The following OPCML variants were observed in gnomAD, a reference collection of about 807,000 sequenced individuals.
OPCML encodes the protein opioid binding protein/cell adhesion molecule like.
A neutral mutation model predicts 37.8 loss-of-function variants in OPCML; 13 were observed. That is an observed-to-expected ratio of 0.34 (90% confidence interval 0.22 to 0.55). The LOEUF is 0.55. Ranked by LOEUF, OPCML falls within the 20% of genes least tolerant of loss-of-function variation. OPCML has a pLI of 0.91. For synonymous variants in OPCML, 176 were observed against 168.8 expected (o/e 1.04, Z -0.33); for missense variants, 341 against 435.6 (o/e 0.78, Z 1.93).
chr11:132,912,295 T>A (rs558684956), intron 2 of OPCML, among the ~76,000 whole-genome samples: 1 of 152,312 alleles, frequency 6.6e-6, no homozygotes, highest in South Asian at 2.1e-4. Flanking sequence ...TATAGTACGT[T>A]GCAAATTCAA....
At chr11:132,638,655 A>T (rs1444610006) in intron 3 of OPCML, among the ~76,000 whole-genome samples, 1 of 152,058 alleles carries the variant, frequency 6.6e-6, no homozygotes, top group African/African-American at 2.4e-5. Flanking sequence ...AAGACTTTTA[A>T]ATTGCTGACT....
At chr11:132,522,161 T>G (rs1338922053) in intron 4 of OPCML, among the ~76,000 whole-genome samples, 1 of 152,242 alleles carries the variant, frequency 6.6e-6, no homozygotes, top group Non-Finnish European at 1.5e-5. Flanking sequence ...TAACAATAGT[T>G]CATTCCTTTG....
chr11:133,261,301 T>G (rs1033122801), intron 1 of OPCML, among the ~76,000 whole-genome samples: 6 of 152,224 alleles, frequency 3.9e-5, no homozygotes, highest in African/African-American at 1.4e-4. Flanking sequence ...AGCTATGATC[T>G]GATTGACGGG....
chr11:133,017,238 A>C (rs903897264), intron 1 of OPCML, among the ~76,000 whole-genome samples: 31 of 151,198 alleles, frequency 2.1e-4, no homozygotes, highest in Non-Finnish European at 2.9e-4. Flanking sequence ...CAACTTAATC[A>C]CCTCCCAAAG....
At chr11:133,191,525 G>GTC (rs1938321283) in intron 1 of OPCML, among the ~76,000 whole-genome samples, 1 of 151,770 alleles carries the variant, frequency 6.6e-6, no homozygotes, top group South Asian at 2.1e-4. Context: ...GTGTGTGTGT[G>GTC]TGTGTGTGTG....
At chr11:133,384,555 G>T (rs543868954) in intron 1 of OPCML, among the ~76,000 whole-genome samples, 4 of 152,290 alleles carry the variant, frequency 2.6e-5, no homozygotes, top group African/African-American at 9.6e-5. Context: ...AAATCAAATT[G>T]AGATGCAAGT....
chr11:132,464,909 T>C (rs1396505497), intron 4 of OPCML, among the ~76,000 whole-genome samples: 2 of 152,242 alleles, frequency 1.3e-5, no homozygotes, highest in African/African-American at 4.8e-5. Context: ...GAGGAAAGCA[T>C]GGTTAGCAAT....
chr11:133,245,530 G>A (rs1940889282), intron 1 of OPCML, among the ~76,000 whole-genome samples: 1 of 152,198 alleles, frequency 6.6e-6, no homozygotes, highest in African/African-American at 2.4e-5. Flanking sequence ...GGTCCCAGGA[G>A]AGAACAAGAA....
At chr11:132,849,808 T>C (rs113789793) in intron 2 of OPCML, among the ~76,000 whole-genome samples, 6 of 152,300 alleles carry the variant, frequency 3.9e-5, no homozygotes, top group African/African-American at 1.2e-4. Context: ...GTATGCCACA[T>C]GTAAACCGGG....
intron 2 of OPCML, among the ~76,000 whole-genome samples, chr11:132,815,000 T>C (rs950032055): frequency 5.9e-5 from 9 of 152,188 alleles, no homozygotes; most frequent in African/African-American, 2.2e-4. Context: ...AGGTCTTTAT[T>C]GTGAACTTAA....
intron 2 of OPCML, among the ~76,000 whole-genome samples, chr11:132,673,372 G>T (rs1415124676): frequency 6.6e-6 from 1 of 152,122 alleles, no homozygotes; most frequent in Non-Finnish European, 1.5e-5. Flanking sequence ...GTGGGCCATT[G>T]GGGCATCAGA....
intron 2 of OPCML, among the ~76,000 whole-genome samples, chr11:132,682,124 G>A (rs1165042869): frequency 6.6e-6 from 1 of 152,116 alleles, no homozygotes; most frequent in Non-Finnish European, 1.5e-5. Flanking sequence ...TTTTGCTCCT[G>A]CCAGCACTCA....
intron 2 of OPCML, among the ~76,000 whole-genome samples, chr11:132,871,724 T>C (rs1419266886): frequency 6.6e-6 from 1 of 152,248 alleles, no homozygotes; most frequent in Admixed American, 6.5e-5. Flanking sequence ...CGCACTCAAA[T>C]AGCCATGTTT....
At chr11:133,277,550 T>C (rs1161418495) in intron 1 of OPCML, among the ~76,000 whole-genome samples, 1 of 152,154 alleles carries the variant, frequency 6.6e-6, no homozygotes. Context: ...GCCTGGACAA[T>C]GGCCTCTTCC....
intron 3 of OPCML, among the ~76,000 whole-genome samples, chr11:132,605,900 A>G (rs1938260590): frequency 6.6e-6 from 1 of 152,202 alleles, no homozygotes. Flanking sequence ...AGCAAAGTCC[A>G]TGGTTTGCCA....
At chr11:133,120,514 C>T (rs1013948841) in intron 1 of OPCML, among the ~76,000 whole-genome samples, 1 of 152,194 alleles carries the variant, frequency 6.6e-6, no homozygotes, top group Non-Finnish European at 1.5e-5. Context: ...ATTCTCTCAA[C>T]CACTCTAGAC....
rs193133878 is a variant in OPCML, at chr11:132,897,243, A to G, written c.146+45683T>C. ...TAGGATTTTGGAGCAAGGCTCTGCC[A>G]TCATCTGTAGATAACTACTCTTTTG... On this transcript the variant is annotated intron_variant, in intron 2 of 7. Transcript: ENST00000524381. Among the ~76,000 whole-genome samples the G allele has an allele frequency of 5.1e-4, 77 of 152,318 alleles. No individual in the cohort carries two copies. The East Asian group carries it at 0.015, about 29-fold the overall frequency.
rs538492829 is a variant in OPCML, at chr11:133,429,262, C to A, written c.61+103002G>T. On this transcript the variant is annotated intron_variant, in intron 1 of 7. Coordinates refer to ENST00000524381, the MANE Select transcript of OPCML (RefSeq NM_001012393.5). Reference sequence around the variant, plus strand: ...GCCACTGAGGTGGGAACCAGTCTGACGTGTTCAAGAGAGATGAAGGAGACC... The same window carrying A: ...GCCACTGAGGTGGGAACCAGTCTGAAGTGTTCAAGAGAGATGAAGGAGACC... 1.0e-3 allele frequency among the ~76,000 whole-genome samples: 156 copies of A among 152,284 alleles called. 1 individual carries two copies. Among genetic ancestry groups the A allele is most frequent in the African/African-American group, 3.4e-3 (143 of 41,574 alleles).
At chr11:133,014,176 C>T (rs1245351502) in intron 1 of OPCML, among the ~76,000 whole-genome samples, 1 of 152,186 alleles carries the variant, frequency 6.6e-6, no homozygotes, top group Non-Finnish European at 1.5e-5. Flanking sequence ...AGTCCTTTCC[C>T]ATTATCTTGT....
Sources: allele counts gnomAD v4.1 joint callset (sites outside exome capture counted in the v4.1 genomes callset), GRCh38; gene constraint gnomAD v4.1.1; transcripts MANE v1.5; gene names NCBI Gene and HGNC (gene_info 2026-07-23, HGNC 2026-07-21).